The following FBXW8 variants were observed in gnomAD, a reference collection of about 807,000 sequenced individuals.
The protein encoded by FBXW8 is F-box/WD repeat-containing protein 8.
A neutral mutation model predicts 65.3 loss-of-function variants in FBXW8; 57 were observed. That is an observed-to-expected ratio of 0.87 (90% CI 0.71 to 1.09). FBXW8 has a LOEUF of 1.09. Ranked by LOEUF, FBXW8 falls within the 50% of genes least tolerant of loss-of-function variation. The pLI is 0.00. For synonymous variants in FBXW8, 308 were observed against 330.2 expected, an observed-to-expected ratio of 0.93 and a Z score of 0.73; for missense variants, 777 against 814.8, an observed-to-expected ratio of 0.95 and a Z score of 0.57.
chr12:116,926,607 A>AG (rs1881342289), intron 1 of FBXW8, among the ~76,000 whole-genome samples: 2 of 152,210 alleles, frequency 1.3e-5, no homozygotes, highest in African/African-American at 4.8e-5. Context: ...TTTTTAGGCA[A>AG]GCACCCCTGA....
chr12:117,012,662 GT>G, intron 8 of FBXW8, among the ~76,000 whole-genome samples: 1 of 152,280 alleles, frequency 6.6e-6, no homozygotes, highest in South Asian at 2.1e-4. Flanking sequence ...TATAGCTTAT[GT>G]TTTATGTCAA....
chr12:117,023,236 T>C (rs1446198624), intron 8 of FBXW8, among the ~76,000 whole-genome samples: 1 of 152,198 alleles, frequency 6.6e-6, no homozygotes, highest in Non-Finnish European at 1.5e-5. Flanking sequence ...TCCACAGCTT[T>C]TGGGTCAGAC....
chr12:116,973,378 C>A (rs1318607243), intron 5 of FBXW8, among the ~76,000 whole-genome samples: 1 of 152,084 alleles, frequency 6.6e-6, no homozygotes, highest in Non-Finnish European at 1.5e-5. Flanking sequence ...CTCAAAAAAT[C>A]TCCCCACTAA....
At chr12:116,981,541 A>G (rs1352619926) in intron 5 of FBXW8, among the ~76,000 whole-genome samples, 1 of 152,238 alleles carries the variant, frequency 6.6e-6, no homozygotes, top group East Asian at 1.9e-4. Context: ...TAACATATGT[A>G]GAAATAAAAA....
chr12:117,005,659 C>G (rs769803217), intron 7 of FBXW8, among the ~76,000 whole-genome samples: 5 of 152,210 alleles, frequency 3.3e-5, no homozygotes, highest in African/African-American at 4.8e-5. Flanking sequence ...CAAGGACTGT[C>G]AGCACTGACC....
intron 4 of FBXW8, chr12:116,950,200 G>A (rs1209964433): frequency 6.6e-6 from 1 of 150,398 alleles, no homozygotes; most frequent in East Asian, 1.9e-4. Context: ...TTTTCTCCAT[G>A]GCCAACACAT....
At chr12:116,959,972 A>G (rs1363371426) in intron 4 of FBXW8, among the ~76,000 whole-genome samples, 3 of 152,178 alleles carry the variant, frequency 2.0e-5, no homozygotes, top group African/African-American at 4.8e-5. Flanking sequence ...TTGCAGTTGT[A>G]CTTTGCACAG....
At chr12:116,947,309 ACTT>A in intron 3 of FBXW8, among the ~76,000 whole-genome samples, 1 of 152,084 alleles carries the variant, frequency 6.6e-6, no homozygotes, top group Non-Finnish European at 1.5e-5. Context: ...CATGAGGGAG[ACTT>A]CTATTTGGAG....
At chr12:117,019,609 A>G (rs1386571919) in intron 8 of FBXW8, among the ~76,000 whole-genome samples, 1 of 152,190 alleles carries the variant, frequency 6.6e-6, no homozygotes, top group East Asian at 1.9e-4. Flanking sequence ...GAAATAGATG[A>G]AAGTATTATT....
At chr12:117,006,513 C>T (rs954856561) in intron 7 of FBXW8, among the ~76,000 whole-genome samples, 1 of 152,242 alleles carries the variant, frequency 6.6e-6, no homozygotes, top group African/African-American at 2.4e-5. Flanking sequence ...GCCCGCCTGC[C>T]CACGGCGGTG....
chr12:116,971,222 G>GC (rs1473673567), intron 5 of FBXW8, among the ~76,000 whole-genome samples: 4 of 152,034 alleles, frequency 2.6e-5, no homozygotes, highest in African/African-American at 7.3e-5. Flanking sequence ...AGCTGGGCAT[G>GC]GTGGGGTGCA....
At chr12:116,922,069 ATCTG>A (rs1284021018) in intron 1 of FBXW8, among the ~76,000 whole-genome samples, 1 of 151,918 alleles carries the variant, frequency 6.6e-6, no homozygotes, top group East Asian at 1.9e-4. Context: ...GCCCCTAATG[ATCTG>A]TCTATCTCAA....
At chr12:116,984,118 A>T (rs1885506030) in intron 5 of FBXW8, among the ~76,000 whole-genome samples, 1 of 152,204 alleles carries the variant, frequency 6.6e-6, no homozygotes, top group Non-Finnish European at 1.5e-5. Flanking sequence ...TAAATCTTCG[A>T]AGGGAAGGAA....
At chr12:116,944,545 C>G (rs1349212158) in intron 2 of FBXW8, among the ~76,000 whole-genome samples, 1 of 152,214 alleles carries the variant, frequency 6.6e-6, no homozygotes, top group Non-Finnish European at 1.5e-5. Flanking sequence ...GCATCAGGCA[C>G]TTGATCCTGC....
chr12:116,987,540 A>AT (rs1885801811), intron 6 of FBXW8, among the ~76,000 whole-genome samples: 1 of 152,102 alleles, frequency 6.6e-6, no homozygotes, highest in Non-Finnish European at 1.5e-5. Context: ...AGCCTTCCTT[A>AT]CCCTCTGGTG....
intron 2 of FBXW8, among the ~76,000 whole-genome samples, chr12:116,928,644 A>G (rs752235899): frequency 2.0e-5 from 3 of 152,186 alleles, no homozygotes; most frequent in Non-Finnish European, 4.4e-5. Context: ...CACCAAGGGA[A>G]TTACAGATCA....
intron 6 of FBXW8, 129 bp from the exon 7 acceptor site, chr12:116,988,534 T>G: frequency 1.3e-6 from 1 of 774,990 alleles, no homozygotes; most frequent in Non-Finnish European, 2.2e-6. Context: ...TCATTTCCTG[T>G]GAGTGTTTCA....
intron 4 of FBXW8, among the ~76,000 whole-genome samples, chr12:116,960,724 A>G (rs1017574825): frequency 6.6e-6 from 1 of 152,138 alleles, no homozygotes; most frequent in African/African-American, 2.4e-5. Context: ...TTCAGTCACT[A>G]TTTATGATGA....
Position 116,949,661 on chromosome 12 carries a change from C to T in FBXW8, c.632C>T (p.Thr211Ile), listed in dbSNP as rs1565909993. Residue 211 changes from threonine to isoleucine, a missense_variant, in exon 4 of 11, where the codon ACA (threonine) becomes ATA (isoleucine). By Grantham distance (89) the Thr-to-Ile change is moderately conservative (BLOSUM62 -1). Coordinates refer to ENST00000652555, the MANE Select transcript of FBXW8 (RefSeq NM_153348.3). ...AGCGAGCTGGAGCATGTTCCTGACA[C>T]AGTTTTGTGTGATGTGCATTCTCAC... ...AVSELEHVPD[T>I]VLCDVHSHDG... The T allele has an allele frequency of 6.2e-7, 1 of 1,614,192 alleles. No individual in the cohort carries two copies. Among genetic ancestry groups the T allele is most frequent in the Non-Finnish European group, 8.5e-7 (1 of 1,180,040 alleles).
Sources: gnomAD v4.1 joint callset for allele counts (sites outside exome capture counted in the v4.1 genomes callset) on GRCh38, gnomAD v4.1.1 for gene constraint, MANE v1.5 for transcripts, NCBI Gene and HGNC (gene_info 2026-07-23, HGNC 2026-07-21) for gene names.